Variants in SPTLC1 observed in about 807,000 individuals in gnomAD.
SPTLC1 encodes serine palmitoyltransferase long chain base subunit 1.
Under a neutral mutation model 68.9 loss-of-function variants are expected in SPTLC1, and 55 were observed. The ratio of observed to expected loss-of-function variants is 0.80; its 90% CI spans 0.64 to 1.00. The LOEUF is 1.00. Ranked by LOEUF, SPTLC1 falls within the 50% of genes least tolerant of loss-of-function variation. The pLI is 0.00. For missense variants in SPTLC1, 449 were observed against 573.1 expected (o/e 0.78, Z 2.21); for synonymous variants, 197 against 201.6 (o/e 0.98, Z 0.19).
chr9:92,105,952 C>G (rs1432400295), intron 3 of SPTLC1, among the ~76,000 whole-genome samples: 1 of 151,694 alleles, frequency 6.6e-6, no homozygotes, highest in Admixed American at 6.6e-5. Context: ...AGAAGCACCT[C>G]TGCCTGGCCG....
At chr9:92,064,215 G>A (rs770110258) in intron 6 of SPTLC1, among the ~76,000 whole-genome samples, 1 of 152,008 alleles carries the variant, frequency 6.6e-6, no homozygotes, top group Non-Finnish European at 1.5e-5. Context: ...TGAATACGTG[G>A]ACATCAAAAT....
chr9:92,093,569 T>G (rs543501442), intron 3 of SPTLC1, among the ~76,000 whole-genome samples: 2 of 152,226 alleles, frequency 1.3e-5, no homozygotes, highest in East Asian at 3.9e-4. Flanking sequence ...CCATTGGAAT[T>G]AATAGTAAAT....
chr9:92,080,230 T>G (rs1564103905), intron 4 of SPTLC1, 142 bp from the exon 5 acceptor site: 1 of 685,020 alleles, frequency 1.5e-6, no homozygotes, highest in Non-Finnish European at 2.5e-6. Context: ...GTGTAAAGAC[T>G]GAGTATATGA....
In SPTLC1 at chr9:92,087,966, C is replaced by T. The variant is rs542891509; in HGVS notation, c.261-7003G>A. ...TGGGCAATGGCGGGCGCCCCTCTCC[C>T]GGCCTCGCTGCCGCCTTGCAGTTTG... is the stretch of plus-strand genomic sequence containing the variant. On this transcript the variant is annotated intron_variant, in intron 3 of 14. Transcript: ENST00000262554. Among the ~76,000 whole-genome samples, 171 of 152,356 alleles carry T rather than the reference C, an allele frequency of 1.1e-3. 1 individual carries two copies. Among genetic ancestry groups the T allele is most frequent in the African/African-American group, 3.7e-3 (155 of 41,590 alleles).
At chr9:92,089,976 C>A (rs1835295557) in intron 3 of SPTLC1, among the ~76,000 whole-genome samples, 1 of 152,184 alleles carries the variant, frequency 6.6e-6, no homozygotes, top group Non-Finnish European at 1.5e-5. Context: ...CTGTTACCCA[C>A]TAACTGTCAT....
chr9:92,112,976 G>A (rs865827644), intron 1 of SPTLC1, among the ~76,000 whole-genome samples: 3 of 152,002 alleles, frequency 2.0e-5, no homozygotes, highest in South Asian at 2.1e-4. Flanking sequence ...GTCTGGTGGC[G>A]CATACCTGTA....
intron 3 of SPTLC1, chr9:92,104,884 T>G: frequency 6.5e-7 from 1 of 1,533,812 alleles, no homozygotes. Flanking sequence ...CCCAGGTGCA[T>G]GCAGTGAGTT....
intron 3 of SPTLC1, among the ~76,000 whole-genome samples, chr9:92,093,160 G>C (rs1207948816): frequency 5.9e-5 from 9 of 152,048 alleles, no homozygotes; most frequent in Non-Finnish European, 1.2e-4. Context: ...AGTTAAATAA[G>C]AAGTAAAAAT....
intron 5 of SPTLC1, among the ~76,000 whole-genome samples, chr9:92,071,550 A>G (rs1834492070): frequency 6.6e-6 from 1 of 152,230 alleles, no homozygotes; most frequent in South Asian, 2.1e-4. Context: ...TGTGATCCTT[A>G]GCAAAGTGTT....
At chr9:92,106,987 T>C (rs1279277173) in intron 3 of SPTLC1, among the ~76,000 whole-genome samples, 2 of 152,174 alleles carry the variant, frequency 1.3e-5, no homozygotes, top group Admixed American at 6.5e-5. Flanking sequence ...ATATATACCA[T>C]GTAAATGGGT....
rs10992213 is a variant in SPTLC1, at chr9:92,049,421, G to C, written c.888+539C>G. ...CCATTTCCCTCAGAAAAGGAAACATGACACCTCATTCTGTTTGGGACTTTA... is the reference window on the plus strand; with the variant it reads ...CCATTTCCCTCAGAAAAGGAAACATCACACCTCATTCTGTTTGGGACTTTA... On this transcript the variant is annotated intron_variant, in intron 9 of 14. Transcript: ENST00000262554. 1.4e-4 allele frequency among the ~76,000 whole-genome samples: 22 copies of C among 152,234 alleles called. No homozygotes were observed. In the East Asian group the frequency reaches 4.3e-3, roughly 29 times the overall value.
chr9:92,086,383 G>A (rs1244314721), intron 3 of SPTLC1, among the ~76,000 whole-genome samples: 1 of 152,194 alleles, frequency 6.6e-6, no homozygotes, highest in African/African-American at 2.4e-5. Context: ...ACTGGTACCG[G>A]TTGTTCCTTT....
chr9:92,035,318 G>A (rs543925221), intron 13 of SPTLC1, among the ~76,000 whole-genome samples: 16 of 152,296 alleles, frequency 1.1e-4, no homozygotes, highest in African/African-American at 3.4e-4. Context: ...GTAGAACTGC[G>A]TCAGAGAAAA....
intron 12 of SPTLC1, among the ~76,000 whole-genome samples, chr9:92,045,543 A>AAACCAAAAACAAAC (rs1564084639): frequency 5.7e-4 from 84 of 147,966 alleles, no homozygotes; most frequent in African/African-American, 1.8e-3. Flanking sequence ...AAAAAAAAAA[A>AAACCAAAAACAAAC]AAAAAAAAAC....
At position 92,112,475 on chromosome 9, in the gene SPTLC1, G is replaced by A. The variant is rs995221734; in HGVS notation, c.145C>T (p.Arg49Ter). The change falls in exon 2 of 15, where the codon CGA (arginine) becomes TGA (stop). Residue 49 changes from arginine to a stop codon, truncating the protein, a stop_gained. Transcript: ENST00000262554. LOFTEE classifies it high-confidence loss of function. Reference protein sequence around the residue: ...LFSKTYKLQERSDLTVKEKEE... With the variant: ...LFSKTYKLQE ...CGTACCTTGACTGTAAGATCAGATC[G>A]TTCTTGTAATTTGTAAGTCTTAGAG... is the stretch of plus-strand genomic sequence containing the variant. 9 of 1,605,630 alleles carry A rather than the reference G, an allele frequency of 5.6e-6. No individual in the cohort carries two copies. Among genetic ancestry groups the A allele is most frequent in the South Asian group, 3.3e-5 (3 of 90,890 alleles).
chr9:92,055,599 A>G, intron 7 of SPTLC1, 105 bp from the exon 8 acceptor site: 1 of 1,114,304 alleles, frequency 9.0e-7, no homozygotes, highest in South Asian at 1.3e-5. Context: ...TTCCTAAAAA[A>G]ATATTCTGAA....
intron 3 of SPTLC1, among the ~76,000 whole-genome samples, chr9:92,092,975 G>A (rs921805002): frequency 6.6e-6 from 1 of 152,128 alleles, no homozygotes; most frequent in Non-Finnish European, 1.5e-5. Flanking sequence ...TCTGTAATAA[G>A]GAATACGTAC....
intron 6 of SPTLC1, among the ~76,000 whole-genome samples, chr9:92,062,288 G>A (rs1009618758): frequency 1.3e-5 from 2 of 152,068 alleles, no homozygotes; most frequent in Admixed American, 6.5e-5. Context: ...ATTATGAAAC[G>A]CTAAAAGGGT....
chr9:92,032,264 G>A lies in SPTLC1; in HGVS notation c.*201C>T. 2 of 1,527,716 alleles carry A rather than the reference G, an allele frequency of 1.3e-6. No individual in the cohort carries two copies. The highest frequency in any genetic ancestry group is 1.8e-6 in the Non-Finnish European group (2 of 1,142,850). The allele number at this position is 1,527,716 out of a possible 1,614,324, so 94.6% of individuals were successfully genotyped here. ...TCCTCTTAAAAAAATCAGTTCCTGG[G>A]CTTTTAGATGTGTTTTCTTTTTAAA... is the stretch of plus-strand genomic sequence containing the variant. On this transcript the variant is annotated 3_prime_UTR_variant, in exon 15 of 15. Transcript: ENST00000262554.
Sources: allele counts gnomAD v4.1 joint callset (sites outside exome capture counted in the v4.1 genomes callset), GRCh38; gene constraint gnomAD v4.1.1; transcripts MANE v1.5; gene names NCBI Gene and HGNC (gene_info 2026-07-23, HGNC 2026-07-21).